Variants in POT1 observed in about 807,000 individuals in gnomAD.
POT1 encodes protection of telomeres 1.
In POT1, 47 loss-of-function variants were observed where a neutral mutation model predicts 78.5. The observed-to-expected ratio is 0.60, with a 90% CI of 0.47 to 0.76. POT1 has a LOEUF of 0.76. POT1 is among the 30% of genes least tolerant of loss of function. The pLI is 0.00. For synonymous variants in POT1, 259 were observed against 260.7 expected, an observed-to-expected ratio of 0.99 and a Z score of 0.06; for missense variants, 646 against 749.9, an observed-to-expected ratio of 0.86 and a Z score of 1.62.
intron 2 of POT1, among the ~76,000 whole-genome samples, chr7:124,920,102 A>C (rs1367609989): frequency 1.3e-5 from 2 of 152,206 alleles, no homozygotes; most frequent in African/African-American, 4.8e-5. Context: ...ACCTTTACTC[A>C]AATGAAATAA....
chr7:124,902,957 G>T (rs6960027), intron 3 of POT1, among the ~76,000 whole-genome samples: 91,364 of 151,926 alleles, frequency 0.6, 27,595 homozygotes, highest in African/African-American at 0.65. Context: ...AAGGGATCAA[G>T]TCCACAAGAA....
chr7:124,825,956 G>C (rs772992336), intron 17 of POT1, among the ~76,000 whole-genome samples: 31 of 152,138 alleles, frequency 2.0e-4, no homozygotes, highest in Non-Finnish European at 4.3e-4. Context: ...GAGAGGTCTG[G>C]GCTTTGACCT....
At chr7:124,869,001 A>T (rs1279643323) in intron 7 of POT1, among the ~76,000 whole-genome samples, 2 of 152,066 alleles carry the variant, frequency 1.3e-5, no homozygotes, top group Admixed American at 1.3e-4. Context: ...CTAGGGCAGT[A>T]CTTAAAAAAT....
At chr7:124,894,579 C>T (rs1796448820) in intron 5 of POT1, among the ~76,000 whole-genome samples, 1 of 151,556 alleles carries the variant, frequency 6.6e-6, no homozygotes, top group South Asian at 2.1e-4. Context: ...TTTTTTGCTT[C>T]TTAATCATTC....
intron 6 of POT1, among the ~76,000 whole-genome samples, chr7:124,888,780 T>C (rs533605601): frequency 2.0e-5 from 3 of 151,994 alleles, no homozygotes; most frequent in South Asian, 2.1e-4. Context: ...TGATCAGTGA[T>C]CTTTGGCATT....
intron 7 of POT1, among the ~76,000 whole-genome samples, chr7:124,869,686 G>A (rs1286907726): frequency 2.0e-5 from 3 of 152,110 alleles, no homozygotes; most frequent in East Asian, 3.9e-4. Context: ...GGGTTCAAGC[G>A]ATTCTCCTGC....
chr7:124,899,683 C>T (rs575185678), intron 3 of POT1, among the ~76,000 whole-genome samples: 41 of 151,996 alleles, frequency 2.7e-4, no homozygotes, highest in African/African-American at 7.7e-4. Context: ...AAACTAACAC[C>T]GGAAGATAAA....
chr7:124,848,943 A>G (rs80086557), intron 11 of POT1, among the ~76,000 whole-genome samples: 3,100 of 152,286 alleles, frequency 0.02, 97 homozygotes, highest in African/African-American at 0.069. Context: ...AAGCAAAAGT[A>G]GTAGTCATAG....
At chr7:124,856,284 A>T (rs78759796) in intron 9 of POT1, among the ~76,000 whole-genome samples, 152 of 152,336 alleles carry the variant, frequency 1.0e-3, no homozygotes, top group African/African-American at 3.5e-3. Flanking sequence ...TTAAGAAGAA[A>T]TGTTACAGAG....
At chr7:124,920,481 G>A (rs1269730611) in intron 2 of POT1, among the ~76,000 whole-genome samples, 1 of 152,080 alleles carries the variant, frequency 6.6e-6, no homozygotes, top group Non-Finnish European at 1.5e-5. Flanking sequence ...TGTGATTGTG[G>A]TTACATACAC....
chr7:124,873,170 T>C lies in POT1; in HGVS notation c.125-2129A>G, dbSNP rs79377379. On this transcript the variant is annotated intron_variant, in intron 6 of 18. Coordinates refer to ENST00000357628, the MANE Select transcript of POT1 (RefSeq NM_015450.3). ...GTTTTTAAGTTTGATACAATCCCAT[T>C]TGTCTATTCTTGCTTTCACTGCCTG... Among the ~76,000 whole-genome samples the C allele has an allele frequency of 2.6e-3, 402 of 152,284 alleles. 1 individual carries two copies. Among genetic ancestry groups the C allele is most frequent in the Non-Finnish European group, 3.8e-3 (261 of 68,004 alleles).
chr7:124,918,799 C>T (rs1005614906), intron 2 of POT1, among the ~76,000 whole-genome samples: 3 of 152,100 alleles, frequency 2.0e-5, no homozygotes, highest in Admixed American at 6.6e-5. Flanking sequence ...CTCTCCCTCT[C>T]TCGGGAGGGG....
At chr7:124,871,272 C>A (rs988756302) in intron 6 of POT1, among the ~76,000 whole-genome samples, 4 of 151,976 alleles carry the variant, frequency 2.6e-5, no homozygotes, top group African/African-American at 9.7e-5. Flanking sequence ...AAATAAAAAT[C>A]TCATTCAGTG....
At chr7:124,929,212 A>T (rs1279764080) in intron 1 of POT1, among the ~76,000 whole-genome samples, 2 of 152,222 alleles carry the variant, frequency 1.3e-5, no homozygotes, top group East Asian at 3.8e-4. Context: ...TTAGCTGCGT[A>T]AAGTACCTCC....
intron 3 of POT1, among the ~76,000 whole-genome samples, chr7:124,902,878 G>A (rs1320182518): frequency 6.6e-6 from 1 of 152,100 alleles, no homozygotes; most frequent in Non-Finnish European, 1.5e-5. Context: ...TGCAATCCTA[G>A]TCTCTGATAA....
At chr7:124,835,243 A>AAACAG (rs1447208224) in intron 15 of POT1, 36 bp downstream of exon 15, 4 of 569,032 alleles carry the variant, frequency 7.0e-6, no homozygotes, top group Non-Finnish European at 9.2e-6. Flanking sequence ...AAAGTATAAT[A>AAACAG]AACAAAACAA....
intron 8 of POT1, 93 bp downstream of exon 8, chr7:124,863,257 C>T: frequency 5.6e-6 from 7 of 1,243,574 alleles, no homozygotes; most frequent in Non-Finnish European, 7.9e-6. Context: ...TAATACACAG[C>T]ATGCTTTATC....
chr7:124,859,476 TATA>T (rs903578385), intron 8 of POT1, among the ~76,000 whole-genome samples: 8 of 152,098 alleles, frequency 5.3e-5, no homozygotes, highest in African/African-American at 1.9e-4. Flanking sequence ...CTCTAAAAAT[TATA>T]ATAGTAATAC....
intron 12 of POT1, among the ~76,000 whole-genome samples, chr7:124,844,573 A>G (rs1795117360): frequency 6.6e-6 from 1 of 150,806 alleles, no homozygotes; most frequent in African/African-American, 2.4e-5. Context: ...CGTCTCTACT[A>G]AAAATACAAA....
Sources: gnomAD v4.1 joint callset for allele counts (sites outside exome capture counted in the v4.1 genomes callset) on GRCh38, gnomAD v4.1.1 for gene constraint, MANE v1.5 for transcripts, NCBI Gene and HGNC (gene_info 2026-07-23, HGNC 2026-07-21) for gene names.